ESR1: variants seen among roughly 807,000 people sequenced by gnomAD.
ESR1 encodes estrogen receptor 1, also known as estrogen receptor.
A neutral mutation model predicts 52.7 loss-of-function variants in ESR1; 12 were observed. The observed-to-expected ratio is 0.23, with a 90% CI of 0.15 to 0.37. ESR1 has a LOEUF of 0.37. Ranked by LOEUF, ESR1 falls within the 10% of genes least tolerant of loss-of-function variation. The probability of loss-of-function intolerance (pLI) is 1.00; values close to 1 mark genes in which losing one functional copy is unlikely to be tolerated. For missense variants in ESR1, 584 were observed against 779.7 expected (o/e 0.75, Z 2.99); for synonymous variants, 305 against 316.8 (o/e 0.96, Z 0.39).
At chr6:151,883,862 G>GCTT (rs200602836) in intron 3 of ESR1, among the ~76,000 whole-genome samples, 1 of 152,104 alleles carries the variant, frequency 6.6e-6, no homozygotes. Context: ...GGCATCCACA[G>GCTT]CTTCTTCTTC....
At chr6:151,878,990 T>A (rs750507599) in intron 2 of ESR1, among the ~76,000 whole-genome samples, 4 of 152,170 alleles carry the variant, frequency 2.6e-5, no homozygotes, top group Admixed American at 1.3e-4. Context: ...GCGTACATTC[T>A]GAGTGATCTG....
At chr6:151,796,261 CA>C (rs201129317) in intron 2 of ESR1, among the ~76,000 whole-genome samples, 5 of 148,234 alleles carry the variant, frequency 3.4e-5, no homozygotes, top group Non-Finnish European at 7.5e-5. Flanking sequence ...CTAATAAAAA[CA>C]AAAAAAAACA....
At chr6:151,686,754 A>G (rs851987), upstream of ESR1, among the ~76,000 whole-genome samples, 99,955 of 151,872 alleles carry the variant, frequency 0.66, 33,215 homozygotes, top group Middle Eastern at 0.77. Flanking sequence ...CCCTGGATGC[A>G]TGTTTAAGGT....
intron 3 of ESR1, among the ~76,000 whole-genome samples, chr6:151,939,134 T>C (rs2034731765): frequency 6.6e-6 from 1 of 152,210 alleles, no homozygotes; most frequent in African/African-American, 2.4e-5. Context: ...TGTTCATGTA[T>C]GAATGACAAT....
At chr6:151,674,724 A>G (rs953025291) in intron 1 of ESR1, among the ~76,000 whole-genome samples, 1 of 152,148 alleles carries the variant, frequency 6.6e-6, no homozygotes, top group Non-Finnish European at 1.5e-5. Flanking sequence ...CGCCATTCTA[A>G]CTGGCGTGAG....
rs1202740604 is a variant in ESR1, at chr6:152,099,905, G to C, written c.*939G>C. The C allele has an allele frequency of 2.5e-6, 1 of 398,198 alleles. No individual in the cohort carries two copies. Among genetic ancestry groups the C allele is most frequent in the Non-Finnish European group, 4.4e-6 (1 of 226,166 alleles). The allele number at this position is 398,198 out of a possible 1,614,324, so 24.7% of individuals were successfully genotyped here. A position where few individuals can be genotyped will look rare whatever the true frequency, so the allele number is the denominator to read the frequency against. On this transcript the variant is annotated 3_prime_UTR_variant, in exon 8 of 8. Coordinates refer to ENST00000206249, the MANE Select transcript of ESR1 (RefSeq NM_000125.4). ...CTTACACAGGGGTGAACTGTTCACTGTGGTGATGCATGATGAGGGTAAATG... is the reference window on the plus strand; with the variant it reads ...CTTACACAGGGGTGAACTGTTCACTCTGGTGATGCATGATGAGGGTAAATG...
At chr6:151,916,877 C>T (rs1482150905) in intron 3 of ESR1, among the ~76,000 whole-genome samples, 1 of 152,196 alleles carries the variant, frequency 6.6e-6, no homozygotes, top group African/African-American at 2.4e-5. Flanking sequence ...ACAGAGTTCA[C>T]AAATGAGACT....
intron 2 of ESR1, among the ~76,000 whole-genome samples, chr6:151,870,675 G>A (rs1033747655): frequency 2.6e-5 from 4 of 152,174 alleles, no homozygotes; most frequent in African/African-American, 9.7e-5. Context: ...GATTAGATGA[G>A]GCAAAATGCT....
At chr6:152,117,216 G>A (rs2051220640) in intron 6 of ESR1, among the ~76,000 whole-genome samples, 1 of 152,188 alleles carries the variant, frequency 6.6e-6, no homozygotes, top group Non-Finnish European at 1.5e-5. Context: ...CCTCCACTGG[G>A]TTCCTGCCAA....
chr6:151,679,889 C>T (rs1190641504), intron 1 of ESR1, among the ~76,000 whole-genome samples: 3 of 152,160 alleles, frequency 2.0e-5, no homozygotes, highest in South Asian at 2.1e-4. Context: ...GGTAGCTGCT[C>T]AATATCAGCT....
chr6:151,802,877 G>A (rs925773414), upstream of ESR1, among the ~76,000 whole-genome samples: 1 of 151,864 alleles, frequency 6.6e-6, no homozygotes, highest in African/African-American at 2.4e-5. Context: ...TGTAATCCCA[G>A]CTACTTAGGG....
intron 2 of ESR1, among the ~76,000 whole-genome samples, chr6:151,847,105 G>A (rs772472220): frequency 6.6e-6 from 1 of 152,200 alleles, no homozygotes; most frequent in Non-Finnish European, 1.5e-5. Flanking sequence ...GCCCAGGCAA[G>A]TATTGATTTA....
upstream of ESR1, among the ~76,000 whole-genome samples, chr6:151,687,143 C>T (rs542017450): frequency 6.6e-6 from 1 of 152,276 alleles, no homozygotes; most frequent in East Asian, 1.9e-4. Context: ...TTGGTCATGT[C>T]CTAGGTCACT....
intron 5 of ESR1, among the ~76,000 whole-genome samples, chr6:152,048,439 C>T (rs1001307180): frequency 3.3e-5 from 5 of 151,182 alleles, no homozygotes; most frequent in Admixed American, 1.3e-4. Flanking sequence ...ATTTAAGTTG[C>T]ACCGCTTGTT....
upstream of ESR1, among the ~76,000 whole-genome samples, chr6:151,686,332 A>C (rs2115321109): frequency 6.6e-6 from 1 of 152,140 alleles, no homozygotes; most frequent in East Asian, 1.9e-4. Context: ...GTTGTCGAAC[A>C]CTCTAGATCT....
chr6:152,095,242 C>A (rs1411573243), intron 7 of ESR1, among the ~76,000 whole-genome samples: 1 of 152,184 alleles, frequency 6.6e-6, no homozygotes, highest in Non-Finnish European at 1.5e-5. Flanking sequence ...AAAATATAAA[C>A]CCTTTCACTT....
At position 151,992,988 on chromosome 6, in the gene ESR1, T is replaced by C. The variant is rs1267427936; in HGVS notation, c.1097-18668T>C. Among the ~76,000 whole-genome samples the C allele has an allele frequency of 2.8e-4, 42 of 152,134 alleles. 1 individual carries two copies. The highest frequency in any genetic ancestry group is 2.8e-3 in the Admixed American group (42 of 15,252). ...TAATTTCAGTAATTTTGGCTTGAAT[T>C]GCAAAAAGTTGATGGGGGAGATGGG... On this transcript the variant is annotated intron_variant, in intron 4 of 7. Coordinates refer to ENST00000206249, the MANE Select transcript of ESR1 (RefSeq NM_000125.4).
intron 6 of ESR1, among the ~76,000 whole-genome samples, chr6:152,085,344 A>G (rs1213671622): frequency 6.6e-6 from 1 of 152,058 alleles, no homozygotes; most frequent in African/African-American, 2.4e-5. Context: ...AAACAAAAAG[A>G]AAAAAAGATG....
intron 4 of ESR1, among the ~76,000 whole-genome samples, chr6:151,975,425 CAG>C (rs1217476659): frequency 2.0e-5 from 3 of 151,562 alleles, no homozygotes; most frequent in African/African-American, 7.3e-5. Flanking sequence ...TCTGGAGAAA[CAG>C]AACCAGTAGG....
Sources: allele counts gnomAD v4.1 joint callset (sites outside exome capture counted in the v4.1 genomes callset), GRCh38; gene constraint gnomAD v4.1.1; transcripts MANE v1.5; gene names NCBI Gene and HGNC (gene_info 2026-07-23, HGNC 2026-07-21).